The following BNC2 variants were observed in gnomAD, a reference collection of about 807,000 sequenced individuals.
The protein encoded by BNC2 is basonuclin zinc finger protein 2, also known as zinc finger protein basonuclin-2.
In BNC2, 20 loss-of-function variants were observed where a neutral mutation model predicts 76.3. That is an observed-to-expected ratio of 0.26 (90% CI 0.18 to 0.38). The LOEUF is 0.38. Ranked by LOEUF, BNC2 falls within the 10% of genes least tolerant of loss-of-function variation. BNC2 has a pLI of 1.00. For synonymous variants in BNC2, 582 were observed against 514.8 expected (o/e 1.13, Z -1.77); for missense variants, 1,382 against 1,399.8 (o/e 0.99, Z 0.20).
rs796571071 is a variant in BNC2, at chr9:16,784,172, G to C, written c.4-45687C>G. Among the ~76,000 whole-genome samples, 9 of 152,296 alleles carry C rather than the reference G, an allele frequency of 5.9e-5. No homozygotes were observed. In the East Asian group the frequency reaches 1.7e-3, roughly 29 times the overall value. Reference sequence around the variant, plus strand: ...CCTGCCACACTGCTGTAGCACTGGAGATTCTGGGAGCACAGTCCCAGCCCT... The same window carrying C: ...CCTGCCACACTGCTGTAGCACTGGACATTCTGGGAGCACAGTCCCAGCCCT... On this transcript the variant is annotated intron_variant, in intron 1 of 6. Transcript: ENST00000380672.
chr9:16,806,539 A>T (rs1649143982), intron 1 of BNC2, among the ~76,000 whole-genome samples: 1 of 152,206 alleles, frequency 6.6e-6, no homozygotes, highest in Admixed American at 6.5e-5. Context: ...ATTACGCCAT[A>T]AGTAAAGTGT....
chr9:16,746,776 A>AC (rs1271952480), intron 1 of BNC2, among the ~76,000 whole-genome samples: 4 of 151,638 alleles, frequency 2.6e-5, no homozygotes, highest in African/African-American at 7.3e-5. Flanking sequence ...TCCTGGATTA[A>AC]CATGATGAAA....
intron 1 of BNC2, among the ~76,000 whole-genome samples, chr9:16,763,113 A>G (rs1271601930): frequency 6.6e-6 from 1 of 152,220 alleles, no homozygotes; most frequent in Non-Finnish European, 1.5e-5. Context: ...ACGGCTCTCT[A>G]GCTGAGAGGT....
At chr9:16,499,973 A>C (rs1822484582) in intron 5 of BNC2, among the ~76,000 whole-genome samples, 1 of 151,896 alleles carries the variant, frequency 6.6e-6, no homozygotes. Flanking sequence ...TTCCACTTTA[A>C]ACCTTCAGTA....
chr9:16,737,820 T>C (rs990749845), intron 2 of BNC2, among the ~76,000 whole-genome samples: 4 of 152,174 alleles, frequency 2.6e-5, no homozygotes, highest in African/African-American at 7.2e-5. Flanking sequence ...TTGGCTTTGA[T>C]GGAGAATAGT....
chr9:16,780,527 A>C (rs890916763), intron 1 of BNC2, among the ~76,000 whole-genome samples: 1 of 151,740 alleles, frequency 6.6e-6, no homozygotes, highest in South Asian at 2.1e-4. Flanking sequence ...AGCCGAGATC[A>C]CACCACTACA....
Position 16,419,216 on chromosome 9 carries a change from A to G in BNC2, c.3073T>C (p.Phe1025Leu), listed in dbSNP as rs778188351. The change falls in exon 7 of 7, where the codon TTC becomes CTC. Residue 1025 changes from phenylalanine (F) to leucine (L), a missense_variant. Physicochemically the swap from Phe to Leu is conservative, Grantham distance 22. Coordinates refer to ENST00000380672, the MANE Select transcript of BNC2 (RefSeq NM_017637.6). Reference protein sequence around the residue: ...LGAEVSGSLMFSSLSGSNGGI... With the variant: ...LGAEVSGSLMLSSLSGSNGGI... ...CCATTGCTCCCAGACAAGCTGCTGAACATAAGAGATCCTGAAACTTCAGCC... is the reference window on the plus strand; with the variant it reads ...CCATTGCTCCCAGACAAGCTGCTGAGCATAAGAGATCCTGAAACTTCAGCC... The G allele has an allele frequency of 3.3e-5, 54 of 1,614,200 alleles. No individual in the cohort carries two copies. In the South Asian group the frequency reaches 5.8e-4, roughly 17 times the overall value.
chr9:16,537,938 C>T (rs1455606151), intron 5 of BNC2, among the ~76,000 whole-genome samples: 1 of 152,128 alleles, frequency 6.6e-6, no homozygotes, highest in African/African-American at 2.4e-5. Context: ...CTTTCAGGTC[C>T]CAGATACTTT....
At chr9:16,634,052 T>C (rs1410094042) in intron 3 of BNC2, among the ~76,000 whole-genome samples, 1 of 152,214 alleles carries the variant, frequency 6.6e-6, no homozygotes, top group Non-Finnish European at 1.5e-5. Flanking sequence ...TACCAGCTAA[T>C]ACAAGTGATT....
chr9:16,828,941 A>C (rs1471983333), intron 1 of BNC2, among the ~76,000 whole-genome samples: 2 of 149,838 alleles, frequency 1.3e-5, no homozygotes, highest in African/African-American at 4.9e-5. Context: ...ATGGCCCCGA[A>C]GCGACTCCAG....
intron 3 of BNC2, among the ~76,000 whole-genome samples, chr9:16,678,579 G>C (rs12004805): frequency 0.045 from 6,864 of 150,972 alleles, 483 homozygotes; most frequent in African/African-American, 0.15. Flanking sequence ...TCTGTTTTCT[G>C]ACAGAGGTAT....
chr9:16,617,893 G>A (rs1377753699), intron 3 of BNC2, among the ~76,000 whole-genome samples: 1 of 152,194 alleles, frequency 6.6e-6, no homozygotes, highest in East Asian at 1.9e-4. Flanking sequence ...CACAGAGACA[G>A]TACAAGTGGT....
At chr9:16,707,691 G>A (rs765352370) in intron 3 of BNC2, among the ~76,000 whole-genome samples, 22 of 152,086 alleles carry the variant, frequency 1.4e-4, no homozygotes, top group Non-Finnish European at 2.9e-4. Flanking sequence ...GCCCGGGCTG[G>A]AGTGCAGTGG....
chr9:16,778,155 C>T (rs898286482), intron 1 of BNC2, among the ~76,000 whole-genome samples: 1 of 152,116 alleles, frequency 6.6e-6, no homozygotes, highest in Non-Finnish European at 1.5e-5. Context: ...AAAACAATGA[C>T]TCTCATAATG....
At chr9:16,423,747 T>C (rs560847826) in intron 6 of BNC2, among the ~76,000 whole-genome samples, 6 of 152,292 alleles carry the variant, frequency 3.9e-5, no homozygotes, top group African/African-American at 1.2e-4. Flanking sequence ...ATTAATACCA[T>C]AGTATGTTAT....
At position 16,418,781 on chromosome 9, in the gene BNC2, G is replaced by C; in HGVS notation, c.*208C>G. On this transcript the variant is annotated 3_prime_UTR_variant, in exon 7 of 7. Coordinates refer to ENST00000380672, the MANE Select transcript of BNC2 (RefSeq NM_017637.6). ...CACTCCTTTCCCAAAACTATAAAGG[G>C]AAGTGAAAAAAATTCAAAAGCACCT... is the stretch of plus-strand genomic sequence containing the variant. 6.6e-6 allele frequency: 4 copies of C among 605,666 alleles called. No individual in the cohort carries two copies. Among genetic ancestry groups the C allele is most frequent in the Non-Finnish European group, 1.1e-5 (4 of 348,002 alleles). The allele number at this position is 605,666 out of a possible 1,614,324, so 37.5% of individuals were successfully genotyped here.
At chr9:16,559,801 T>G (rs1818954848) in intron 4 of BNC2, among the ~76,000 whole-genome samples, 1 of 152,244 alleles carries the variant, frequency 6.6e-6, no homozygotes, top group Non-Finnish European at 1.5e-5. Context: ...ATACATTCAT[T>G]TATCCACCAG....
chr9:16,831,105 T>A (rs1215966009), intron 1 of BNC2, among the ~76,000 whole-genome samples: 1 of 152,216 alleles, frequency 6.6e-6, no homozygotes, highest in Non-Finnish European at 1.5e-5. Flanking sequence ...AGGTCCAATA[T>A]ATAAAATCTG....
chr9:16,579,523 T>C (rs1247905020), intron 4 of BNC2, among the ~76,000 whole-genome samples: 2 of 152,150 alleles, frequency 1.3e-5, no homozygotes, highest in Non-Finnish European at 2.9e-5. Context: ...GCTCAAGCGA[T>C]CCACCTGTCT....
Sources: allele counts gnomAD v4.1 joint callset (sites outside exome capture counted in the v4.1 genomes callset), GRCh38; gene constraint gnomAD v4.1.1; transcripts MANE v1.5; gene names NCBI Gene and HGNC (gene_info 2026-07-23, HGNC 2026-07-21).